ARID4B: variants seen among roughly 807,000 people sequenced by gnomAD.
ARID4B encodes the protein AT-rich interactive domain-containing protein 4B.
ARID4B carries 26 observed loss-of-function variants against 147.5 expected under a neutral mutation model. That is an observed-to-expected ratio of 0.18 (90% CI 0.13 to 0.24). The LOEUF (loss-of-function observed/expected upper bound fraction) is 0.24. ARID4B is among the 10% of genes least tolerant of loss of function. ARID4B has a pLI of 1.00. For synonymous variants in ARID4B, 512 were observed against 507.9 expected (o/e 1.01, Z -0.11); for missense variants, 1,179 against 1,511.5 (o/e 0.78, Z 3.65).
intron 17 of ARID4B, among the ~76,000 whole-genome samples, chr1:235,212,516 A>T (rs1247017053): frequency 6.6e-6 from 1 of 152,216 alleles, no homozygotes; most frequent in Non-Finnish European, 1.5e-5. Flanking sequence ...ATCAGAATGG[A>T]TCGGACTGGT....
chr1:235,169,822 C>A (rs1360568486), intron 23 of ARID4B, among the ~76,000 whole-genome samples: 12 of 151,730 alleles, frequency 7.9e-5, no homozygotes, highest in Admixed American at 7.9e-4. Context: ...CCACCATGTC[C>A]GGCTAATGTT....
chr1:235,220,045 C>T lies in ARID4B; in HGVS notation c.1408-77G>A, dbSNP rs370347226. 132 of 955,648 alleles carry T rather than the reference C, an allele frequency of 1.4e-4. No individual in the cohort carries two copies. In the African/African-American group the frequency reaches 2.0e-3, roughly 14 times the overall value. The allele number at this position is 955,648 out of a possible 1,614,324, so 59.2% of individuals were successfully genotyped here. On this transcript the variant is annotated intron_variant, in intron 15 of 23. Coordinates refer to ENST00000264183, the MANE Select transcript of ARID4B (RefSeq NM_016374.6). ...ATATCCATGGTTTATCTCTTAGCAA[C>T]AGGAGGTATCAACCAATTCTAATAT...
chr1:235,181,390 C>T (rs1388754932), intron 20 of ARID4B, 195 bp downstream of exon 20: 9 of 804,052 alleles, frequency 1.1e-5, no homozygotes, highest in African/African-American at 1.7e-5. Context: ...AAGCAAAGCA[C>T]ATTAAAGCCT....
intron 19 of ARID4B, among the ~76,000 whole-genome samples, chr1:235,188,578 G>A (rs1319103361): frequency 6.6e-6 from 1 of 152,122 alleles, no homozygotes; most frequent in East Asian, 1.9e-4. Flanking sequence ...GAAGGCACAG[G>A]TACAGATGCG....
At chr1:235,188,983 T>C (rs1664883080) in intron 19 of ARID4B, among the ~76,000 whole-genome samples, 1 of 151,858 alleles carries the variant, frequency 6.6e-6, no homozygotes, top group Non-Finnish European at 1.5e-5. Flanking sequence ...AACCAAAAAT[T>C]ATAAAATCCT....
At chr1:235,236,833 A>AAAATATATATATATATATATAT (rs1175189621) in intron 8 of ARID4B, among the ~76,000 whole-genome samples, 5 of 33,522 alleles carry the variant, frequency 1.5e-4, no homozygotes, top group Non-Finnish European at 2.3e-4. Flanking sequence ...TTTTATAAAA[A>AAAATATATATATATATATATAT]ATATATATAT....
chr1:235,211,328 T>C (rs1666708850), intron 17 of ARID4B, among the ~76,000 whole-genome samples: 1 of 151,620 alleles, frequency 6.6e-6, no homozygotes. Flanking sequence ...TGAAACTCCG[T>C]GGAAGGAAGG....
At chr1:235,304,347 C>T (rs758596737) in intron 2 of ARID4B, among the ~76,000 whole-genome samples, 1 of 150,554 alleles carries the variant, frequency 6.6e-6, no homozygotes, top group Non-Finnish European at 1.5e-5. Flanking sequence ...GACCCTGTCC[C>T]GAAAATAAAA....
At chr1:235,294,867 C>A (rs1572175189) in intron 2 of ARID4B, among the ~76,000 whole-genome samples, 2 of 150,964 alleles carry the variant, frequency 1.3e-5, no homozygotes, top group South Asian at 2.1e-4. Context: ...TATTTTACAT[C>A]AAAAAAATTG....
At chr1:235,277,339 A>G in intron 2 of ARID4B, among the ~76,000 whole-genome samples, 1 of 152,114 alleles carries the variant, frequency 6.6e-6, no homozygotes. Context: ...CAGAAGTTCA[A>G]GACCAGCCTG....
At chr1:235,185,608 C>T (rs986434014) in intron 19 of ARID4B, among the ~76,000 whole-genome samples, 1 of 152,152 alleles carries the variant, frequency 6.6e-6, no homozygotes, top group Non-Finnish European at 1.5e-5. Flanking sequence ...TACTAGAGCT[C>T]ATCGAGTAGT....
chr1:235,313,305 C>T (rs975989266), intron 2 of ARID4B, among the ~76,000 whole-genome samples: 3 of 151,974 alleles, frequency 2.0e-5, no homozygotes, highest in Non-Finnish European at 4.4e-5. Context: ...GCTAGGATTA[C>T]GGGCATGACC....
chr1:235,220,287 C>G lies in ARID4B; in HGVS notation c.1407+15G>C. The G allele has an allele frequency of 6.3e-7, 1 of 1,579,000 alleles. No homozygotes were observed. ...ACCAAAGAAAGCAAAAGACAATTAACAATATCTGATTTACCAGAGAGGGCT... is the reference window on the plus strand; with the variant it reads ...ACCAAAGAAAGCAAAAGACAATTAAGAATATCTGATTTACCAGAGAGGGCT... On this transcript the variant is annotated intron_variant, in intron 15 of 23. Transcript: ENST00000264183.
intron 2 of ARID4B, among the ~76,000 whole-genome samples, chr1:235,280,633 G>A (rs1452518385): frequency 2.6e-5 from 4 of 152,248 alleles, no homozygotes; most frequent in East Asian, 1.9e-4. Flanking sequence ...GTGCCCAGGC[G>A]AAGAACAGCC....
At position 235,240,357 on chromosome 1, in the gene ARID4B, A is replaced by C. The variant is rs1668905707; in HGVS notation, c.541T>G (p.Tyr181Asp). Residue 181 changes from tyrosine to aspartate, a missense_variant, in exon 8 of 24, where the codon TAC becomes GAC. This residue lies in a region of ARID4B where 159 missense variants were observed against 190.5 expected (regional missense o/e 0.83). Transcript: ENST00000264183. ...GCTTTCTTTTTATCCAAACTAATGT[A>C]ATCTACACATACAACTTTGCCTAGT... ...ELLGKVVCVD[Y>D]ISLDKKKALW... is the part of the protein sequence containing the mutation. 3 of 1,613,308 alleles carry C rather than the reference A, an allele frequency of 1.9e-6. No homozygotes were observed. Among genetic ancestry groups the C allele is most frequent in the East Asian group, 4.5e-5 (2 of 44,752 alleles).
At position 235,196,037 on chromosome 1, in the gene ARID4B, T is replaced by C. The variant is rs767872612; in HGVS notation, c.1920A>G (p.Lys640=). The change falls in exon 18 of 24, where the codon AAA becomes AAG. Residue 640 remains lysine (K), a synonymous_variant. Coordinates refer to ENST00000264183, the MANE Select transcript of ARID4B (RefSeq NM_016374.6). ...AGTAAAAACAAGCACTTACCTTTATTTTCTTCCGATGTTTTATCTTTGGCA... is the reference window on the plus strand; with the variant it reads ...AGTAAAAACAAGCACTTACCTTTATCTTCTTCCGATGTTTTATCTTTGGCA... ...KNVPKIKHRK[K]IKNKLDKEKD... 2 of 1,595,134 alleles carry C rather than the reference T, an allele frequency of 1.3e-6. No homozygotes were observed. The highest frequency in any genetic ancestry group is 1.8e-5 in the Admixed American group (1 of 57,024).
At chr1:235,244,208 A>T (rs1157458167) in intron 7 of ARID4B, among the ~76,000 whole-genome samples, 1 of 152,212 alleles carries the variant, frequency 6.6e-6, no homozygotes, top group Non-Finnish European at 1.5e-5. Flanking sequence ...CCTTGTTAAC[A>T]AGATTCATTG....
intron 8 of ARID4B, 44 bp from the exon 9 acceptor site, chr1:235,234,536 T>C (rs1668442482): frequency 3.0e-6 from 4 of 1,333,188 alleles, no homozygotes; most frequent in Non-Finnish European, 4.2e-6. Context: ...AAAGAACTCA[T>C]AGATAGGTAA....
intron 2 of ARID4B, among the ~76,000 whole-genome samples, chr1:235,264,462 C>G (rs1483878100): frequency 6.6e-6 from 1 of 152,142 alleles, no homozygotes; most frequent in African/African-American, 2.4e-5. Flanking sequence ...GGTAATAGAG[C>G]AGACTGATTA....
Sources: allele counts gnomAD v4.1 joint callset (sites outside exome capture counted in the v4.1 genomes callset), GRCh38; gene constraint gnomAD v4.1.1; regional missense constraint gnomAD v4.1.1; transcripts MANE v1.5; gene names NCBI Gene and HGNC (gene_info 2026-07-23, HGNC 2026-07-21).